Variants in GALNT13 observed in about 807,000 individuals in gnomAD.
The protein encoded by GALNT13 is polypeptide N-acetylgalactosaminyltransferase 13.
GALNT13 carries 28 observed loss-of-function variants against 64.2 expected under a neutral mutation model. The ratio of observed to expected loss-of-function variants is 0.44; its 90% CI spans 0.32 to 0.60. GALNT13 has a LOEUF of 0.60. Among genes scored for constraint, GALNT13 ranks in the 20% least tolerant of loss-of-function variants. The probability of loss-of-function intolerance (pLI) is 0.05; values close to 1 mark genes in which losing one functional copy is unlikely to be tolerated. For missense variants in GALNT13, 577 were observed against 669.8 expected (o/e 0.86, Z 1.53); for synonymous variants, 214 against 224.6 (o/e 0.95, Z 0.42).
the GALNT13 span, chr2:153,592,763 A>C: frequency 6.6e-6 from 1 of 152,256 alleles, no homozygotes; most frequent in Non-Finnish European, 1.5e-5. Context: ...CGAGTGCCCC[A>C]ACTGCAGAAG....
the GALNT13 span, among the ~76,000 whole-genome samples, chr2:153,085,059 TG>T: frequency 1.6e-4 from 24 of 152,224 alleles, no homozygotes; most frequent in Non-Finnish European, 3.1e-4. Context: ...GAGGAACTTG[TG>T]GGAAGTGGAG....
the GALNT13 span, among the ~76,000 whole-genome samples, chr2:153,393,313 C>G: frequency 2.0e-5 from 3 of 150,318 alleles, no homozygotes; most frequent in South Asian, 6.3e-4. Context: ...CATGGCAAAA[C>G]AGCTCTCTCT....
chr2:153,138,452 T>C, the GALNT13 span, among the ~76,000 whole-genome samples: 1 of 152,074 alleles, frequency 6.6e-6, no homozygotes, highest in Non-Finnish European at 1.5e-5. Flanking sequence ...TCAGATGATA[T>C]GCAAGACCAA....
the GALNT13 span, among the ~76,000 whole-genome samples, chr2:153,423,087 T>C: frequency 6.6e-6 from 1 of 151,918 alleles, no homozygotes; most frequent in Admixed American, 6.6e-5. Flanking sequence ...CATTATCTTT[T>C]ATAAAAATTG....
chr2:154,226,920 A>G (rs1175023270), intron 4 of GALNT13, among the ~76,000 whole-genome samples: 1 of 152,138 alleles, frequency 6.6e-6, no homozygotes, highest in Admixed American at 6.6e-5. Flanking sequence ...ATAGTTAACA[A>G]AGATAGAAAT....
chr2:154,243,281 A>G (rs953606441), intron 6 of GALNT13, among the ~76,000 whole-genome samples: 2 of 152,126 alleles, frequency 1.3e-5, no homozygotes, highest in African/African-American at 4.8e-5. Flanking sequence ...ACTTATAATG[A>G]GGAGGAACAA....
At chr2:153,186,686 C>G in the GALNT13 span, among the ~76,000 whole-genome samples, 1 of 152,034 alleles carries the variant, frequency 6.6e-6, no homozygotes, top group Non-Finnish European at 1.5e-5. Context: ...CCTGCCTCAG[C>G]CTCCGGAGTG....
At chr2:154,048,692 C>G (rs960207580) in intron 3 of GALNT13, among the ~76,000 whole-genome samples, 6 of 151,918 alleles carry the variant, frequency 3.9e-5, no homozygotes, top group African/African-American at 9.7e-5. Context: ...ATGAAAACAT[C>G]TAGTAGCTGA....
At chr2:153,943,225 C>T (rs1281905275) in intron 2 of GALNT13, among the ~76,000 whole-genome samples, 1 of 152,084 alleles carries the variant, frequency 6.6e-6, no homozygotes, top group African/African-American at 2.4e-5. Context: ...AAAAATGTCT[C>T]TTAATAATTA....
the GALNT13 span, among the ~76,000 whole-genome samples, chr2:153,285,028 T>C: frequency 7.5e-6 from 1 of 132,636 alleles, no homozygotes; most frequent in Non-Finnish European, 1.6e-5. Context: ...GACTGGGTAA[T>C]TTATTTAAAA....
At chr2:153,259,393 T>C in the GALNT13 span, among the ~76,000 whole-genome samples, 4 of 152,132 alleles carry the variant, frequency 2.6e-5, no homozygotes, top group Admixed American at 1.3e-4. Flanking sequence ...TGCCACTCTG[T>C]CTTTTGATTG....
chr2:154,143,290 A>G (rs1247797669), intron 4 of GALNT13, among the ~76,000 whole-genome samples: 1 of 152,154 alleles, frequency 6.6e-6, no homozygotes, highest in African/African-American at 2.4e-5. Context: ...GCTCTCAGGC[A>G]GCTCACCTCC....
chr2:154,362,185 A>G (rs1697107433), intron 9 of GALNT13, among the ~76,000 whole-genome samples: 1 of 152,022 alleles, frequency 6.6e-6, no homozygotes, highest in African/African-American at 2.4e-5. Context: ...GGTCCTTGGA[A>G]GTTTCTATTC....
At chr2:154,353,276 C>G (rs988530802) in intron 9 of GALNT13, among the ~76,000 whole-genome samples, 1 of 152,056 alleles carries the variant, frequency 6.6e-6, no homozygotes, top group African/African-American at 2.4e-5. Context: ...TGCCTTGTTA[C>G]AACTTTAAAA....
chr2:153,466,271 A>G, the GALNT13 span, among the ~76,000 whole-genome samples: 1 of 152,010 alleles, frequency 6.6e-6, no homozygotes, highest in Non-Finnish European at 1.5e-5. Flanking sequence ...CAGTTTTACT[A>G]CTTCGGGTTG....
the GALNT13 span, among the ~76,000 whole-genome samples, chr2:153,280,117 T>A: frequency 6.8e-4 from 103 of 152,264 alleles, no homozygotes; most frequent in Admixed American, 1.2e-3. Context: ...TTTCTAGGAA[T>A]GTATCCATTT....
chr2:154,373,403 C>G (rs186005929), intron 9 of GALNT13, among the ~76,000 whole-genome samples: 3 of 152,274 alleles, frequency 2.0e-5, no homozygotes, highest in Admixed American at 2.0e-4. Context: ...TTGATTCTGA[C>G]TGTCCATGTC....
chr2:154,329,937 T>C (rs1695078957), intron 9 of GALNT13, among the ~76,000 whole-genome samples: 1 of 152,140 alleles, frequency 6.6e-6, no homozygotes. Context: ...AATGCCTTCC[T>C]ACAGCCCACA....
intron 3 of GALNT13, among the ~76,000 whole-genome samples, chr2:154,103,150 G>A (rs1702437029): frequency 6.6e-6 from 1 of 151,790 alleles, no homozygotes; most frequent in Non-Finnish European, 1.5e-5. Context: ...GTAAGTCATA[G>A]GTTTGATCAC....
Sources: allele counts gnomAD v4.1 joint callset (sites outside exome capture counted in the v4.1 genomes callset), GRCh38; gene constraint gnomAD v4.1.1; transcripts MANE v1.5; gene names NCBI Gene and HGNC (gene_info 2026-07-23, HGNC 2026-07-21).